The following GLRA2 variants were observed in gnomAD, a reference collection of about 807,000 sequenced individuals.
GLRA2 encodes the protein glycine receptor alpha 2, also known as glycine receptor subunit alpha-2.
In GLRA2, 11 loss-of-function variants were observed where a neutral mutation model predicts 31.6. That is an observed-to-expected ratio of 0.35 (90% CI 0.22 to 0.58). The LOEUF is 0.58. Ranked by LOEUF, GLRA2 falls within the 20% of genes least tolerant of loss-of-function variation. The pLI, the probability that GLRA2 is intolerant of heterozygous loss-of-function variation, is 0.84. For synonymous variants in GLRA2, 132 were observed against 134.0 expected (o/e 0.99, Z 0.10); for missense variants, 212 against 351.8 (o/e 0.60, Z 3.18).
chrX:14,633,617 C>T (rs2090676501), intron 7 of GLRA2, among the ~76,000 whole-genome samples: 1 of 111,836 alleles, frequency 8.9e-6, no homozygotes, highest in South Asian at 3.8e-4. Flanking sequence ...CATTTTCACA[C>T]TGCTATAATA....
At position 14,534,213 on chromosome X, in the gene GLRA2, G is replaced by GTT. The variant is rs368371153; in HGVS notation, c.202+1855_202+1856dup. On this transcript the variant is annotated intron_variant, in intron 2 of 8. Coordinates refer to ENST00000218075, the MANE Select transcript of GLRA2 (RefSeq NM_002063.4). The stretch of plus-strand genomic sequence containing the variant: ...GTCAGGTTCAGCAAAGTGTGGCCAT[G>GTT]TTTTTTTTTTTTTTTGATCTATCTA... 1.4e-4 allele frequency among the ~76,000 whole-genome samples: 13 copies of GTT among 95,645 alleles called. No homozygotes were observed. In the East Asian group the frequency reaches 1.4e-3, roughly 10 times the overall value. The allele number at this position is 95,645 out of a possible 115,157, so 83.1% of individuals were successfully genotyped here. A position where few individuals can be genotyped will look rare whatever the true frequency, so the allele number is the denominator to read the frequency against.
chrX:14,495,747 T>C, the GLRA2 span, among the ~76,000 whole-genome samples: 5 of 110,145 alleles, frequency 4.5e-5, no homozygotes, highest in South Asian at 1.9e-3. Context: ...TGTATTATTA[T>C]CTGTTTTATA....
chrX:14,556,108 G>A (rs1367880030), intron 2 of GLRA2, among the ~76,000 whole-genome samples: 5 of 111,978 alleles, frequency 4.5e-5, no homozygotes, highest in African/African-American at 1.3e-4. Flanking sequence ...GGCTTTGGAG[G>A]ATAAGTTTTT....
chrX:14,535,234 G>C (rs1238699819), intron 2 of GLRA2, among the ~76,000 whole-genome samples: 5 of 112,020 alleles, frequency 4.5e-5, no homozygotes, highest in Non-Finnish European at 7.5e-5. Flanking sequence ...ATATTTCTCT[G>C]TTTTCCTTGC....
At chrX:14,527,814 T>TA (rs1235724014), upstream of GLRA2, among the ~76,000 whole-genome samples, 8 of 111,377 alleles carry the variant, frequency 7.2e-5, no homozygotes, top group Non-Finnish European at 1.1e-4. Flanking sequence ...ATTTTATATA[T>TA]TTTTTTGGGT....
At chrX:14,456,494 A>C in the GLRA2 span, among the ~76,000 whole-genome samples, 1 of 111,588 alleles carries the variant, frequency 9.0e-6, no homozygotes, top group Non-Finnish European at 1.9e-5. Flanking sequence ...TCCTTTAACA[A>C]ATCTCCCCCT....
At chrX:14,710,296 T>C (rs1181747307) in intron 8 of GLRA2, among the ~76,000 whole-genome samples, 1 of 111,953 alleles carries the variant, frequency 8.9e-6, no homozygotes, top group Non-Finnish European at 1.9e-5. Flanking sequence ...CCAGCAGAAA[T>C]TGAGCAGTAA....
At chrX:14,559,349 A>G (rs1215660249) in intron 2 of GLRA2, among the ~76,000 whole-genome samples, 2 of 109,477 alleles carry the variant, frequency 1.8e-5, no homozygotes, top group African/African-American at 6.7e-5. Context: ...GAATCGATAC[A>G]TAATTTACGG....
At position 14,690,915 on chromosome X, in the gene GLRA2, T is replaced by C. The variant is rs947493785; in HGVS notation, c.1080+56T>C. ...GAGCTTGAGTTGGTTAGCTAGGCAA[T>C]GTAATTCAGAAAACAGAAGAGCACA... On this transcript the variant is annotated intron_variant, in intron 8 of 8. Coordinates refer to ENST00000218075, the MANE Select transcript of GLRA2 (RefSeq NM_002063.4). The C allele has an allele frequency of 1.0e-5, 12 of 1,147,282 alleles. No homozygotes were observed. The East Asian group carries it at 2.1e-4, about 20-fold the overall frequency. 94.5% of individuals were successfully genotyped at this position (1,147,282 alleles called of 1,213,427 possible). A position where few individuals can be genotyped will look rare whatever the true frequency, so the allele number is the denominator to read the frequency against.
the GLRA2 span, among the ~76,000 whole-genome samples, chrX:14,511,618 A>G: frequency 8.9e-6 from 1 of 112,124 alleles, no homozygotes; most frequent in African/African-American, 3.2e-5. Flanking sequence ...TGTACTATTC[A>G]TCATCACTGA....
chrX:14,705,244 C>G (rs2091604042), intron 8 of GLRA2, among the ~76,000 whole-genome samples: 1 of 112,097 alleles, frequency 8.9e-6, no homozygotes, highest in African/African-American at 3.2e-5. Context: ...CCAAGACCTT[C>G]AAGAGGAAAG....
intron 7 of GLRA2, among the ~76,000 whole-genome samples, chrX:14,684,978 G>C (rs1371765835): frequency 1.8e-5 from 2 of 111,027 alleles, no homozygotes; most frequent in African/African-American, 3.3e-5. Flanking sequence ...TTATTATTTT[G>C]AGATATGTCC....
At chrX:14,474,941 C>T in the GLRA2 span, among the ~76,000 whole-genome samples, 1 of 112,015 alleles carries the variant, frequency 8.9e-6, no homozygotes, top group Non-Finnish European at 1.9e-5. Flanking sequence ...AAGGCAGTAC[C>T]AAAGACTATG....
intron 2 of GLRA2, among the ~76,000 whole-genome samples, chrX:14,550,329 A>C (rs1363089515): frequency 9.1e-6 from 1 of 109,305 alleles, no homozygotes; most frequent in Non-Finnish European, 1.9e-5. Flanking sequence ...GACTGAAAGT[A>C]CGAGTGAGAT....
rs780981846 is a variant in GLRA2 at position 14,730,326 on chromosome X, G to A, written c.1200G>A (p.Pro400=). The A allele has an allele frequency of 1.3e-5, 16 of 1,208,366 alleles. No homozygotes were observed. The highest frequency in any genetic ancestry group is 5.3e-5 in the African/African-American group (3 of 56,820). ...KATPANPLPQ[P]PKDGDAIKKK... is the part of the protein sequence containing the mutation. Reference sequence around the variant, plus strand: ...CACCTGCCAACCCACTCCCACAACCGCCAAAAGATGGAGATGCTATCAAGA... The same window carrying A: ...CACCTGCCAACCCACTCCCACAACCACCAAAAGATGGAGATGCTATCAAGA... Residue 400 remains proline, a synonymous_variant, in exon 9 of 9, where the codon CCG becomes CCA. Transcript: ENST00000218075.
chrX:14,719,012 G>A, intron 8 of GLRA2, among the ~76,000 whole-genome samples: 1 of 111,590 alleles, frequency 9.0e-6, no homozygotes, highest in African/African-American at 3.3e-5. Flanking sequence ...GGCCATCTTT[G>A]ACAAATACAT....
At chrX:14,594,637 G>A (rs2090180869) in intron 4 of GLRA2, among the ~76,000 whole-genome samples, 1 of 111,739 alleles carries the variant, frequency 8.9e-6, no homozygotes, top group South Asian at 3.7e-4. Flanking sequence ...AATTTTAGCT[G>A]CAGATTTATC....
At chrX:14,510,916 TTTTA>T in the GLRA2 span, among the ~76,000 whole-genome samples, 7 of 110,840 alleles carry the variant, frequency 6.3e-5, no homozygotes, top group Non-Finnish European at 9.5e-5. Flanking sequence ...TTTGGTTTTT[TTTTA>T]TTTATTTTTA....
the GLRA2 span, among the ~76,000 whole-genome samples, chrX:14,457,364 C>T: frequency 2.7e-5 from 3 of 109,656 alleles, no homozygotes; most frequent in Non-Finnish European, 5.7e-5. Flanking sequence ...CCCCACCCCC[C>T]ACGGGCCCCA....
Sources: gnomAD v4.1 joint callset for allele counts (sites outside exome capture counted in the v4.1 genomes callset) on GRCh38, gnomAD v4.1.1 for gene constraint, MANE v1.5 for transcripts, NCBI Gene and HGNC (gene_info 2026-07-23, HGNC 2026-07-21) for gene names.